The following HERPUD2 variants were observed in gnomAD, a reference collection of about 807,000 sequenced individuals.
The protein encoded by HERPUD2 is homocysteine-responsive endoplasmic reticulum-resident ubiquitin-like domain member 2 protein.
In HERPUD2, 13 loss-of-function variants were observed where a neutral mutation model predicts 49.9. The ratio of observed to expected loss-of-function variants is 0.26; its 90% CI spans 0.17 to 0.41. The LOEUF (loss-of-function observed/expected upper bound fraction) is 0.41, where lower values mean the gene tolerates loss of function less well. HERPUD2 is among the 10% of genes least tolerant of loss of function. HERPUD2 has a pLI of 1.00. For synonymous variants in HERPUD2, 172 were observed against 171.4 expected (o/e 1.00, Z -0.03); for missense variants, 449 against 492.2 (o/e 0.91, Z 0.83).
chr7:35,650,195 G>T (rs1177097357), intron 5 of HERPUD2, among the ~76,000 whole-genome samples: 1 of 152,122 alleles, frequency 6.6e-6, no homozygotes, highest in Non-Finnish European at 1.5e-5. Flanking sequence ...ATCACCTAAG[G>T]GAGAATGCTG....
chr7:35,657,566 T>C (rs1287760997), intron 5 of HERPUD2, among the ~76,000 whole-genome samples: 2 of 136,254 alleles, frequency 1.5e-5, no homozygotes, highest in Non-Finnish European at 3.0e-5. Context: ...ATCATGCTGC[T>C]GCACTCCAGC....
chr7:35,664,412 A>T (rs1785495166), intron 5 of HERPUD2, among the ~76,000 whole-genome samples: 1 of 152,012 alleles, frequency 6.6e-6, no homozygotes. Flanking sequence ...TGTTCTCTGT[A>T]TTTCCTGAAT....
Position 35,639,791 on chromosome 7 carries a change from T to C in HERPUD2, c.495-1319A>G, listed in dbSNP as rs1420245498. 2.6e-5 allele frequency among the ~76,000 whole-genome samples: 4 copies of C among 152,190 alleles called. No homozygotes were observed. The East Asian group carries it at 7.7e-4, about 29-fold the overall frequency. On this transcript the variant is annotated intron_variant, in intron 5 of 8. Coordinates refer to ENST00000311350, the MANE Select transcript of HERPUD2 (RefSeq NM_022373.5). ...GAAGAGCCTGGGGAGCTAAGCCTTATCAACAGGCTATACTTAAAGAAACGT... is the reference window on the plus strand; with the variant it reads ...GAAGAGCCTGGGGAGCTAAGCCTTACCAACAGGCTATACTTAAAGAAACGT...
chr7:35,671,108 A>G (rs999247166), intron 3 of HERPUD2, among the ~76,000 whole-genome samples: 13 of 152,048 alleles, frequency 8.5e-5, no homozygotes, highest in African/African-American at 3.1e-4. Context: ...AAAGAAAGAT[A>G]ACCAAATGGG....
At position 35,640,500 on chromosome 7, in the gene HERPUD2, T is replaced by C. The variant is rs75870331; in HGVS notation, c.495-2028A>G. On this transcript the variant is annotated intron_variant, in intron 5 of 8. Coordinates refer to ENST00000311350, the MANE Select transcript of HERPUD2 (RefSeq NM_022373.5). ...AAAACATATGGAGAATATAAGGTGATTGTTGAAAATATGTTGCCAAAATAA... is the reference window on the plus strand; with the variant it reads ...AAAACATATGGAGAATATAAGGTGACTGTTGAAAATATGTTGCCAAAATAA... Among the ~76,000 whole-genome samples, 1,564 of 152,312 alleles carry C rather than the reference T, an allele frequency of 0.01. 105 individuals are homozygous for C. The East Asian group carries it at 0.19, about 18-fold the overall frequency.
chr7:35,681,187 A>G (rs1785882728), intron 2 of HERPUD2, among the ~76,000 whole-genome samples: 1 of 152,222 alleles, frequency 6.6e-6, no homozygotes, highest in Non-Finnish European at 1.5e-5. Flanking sequence ...TTTTCTTTAA[A>G]TTAATAGTCA....
chr7:35,667,975 G>A (rs1785572080), intron 4 of HERPUD2, among the ~76,000 whole-genome samples: 1 of 152,020 alleles, frequency 6.6e-6, no homozygotes, highest in South Asian at 2.1e-4. Context: ...TCAATAAATG[G>A]TACTAATTAC....
intron 5 of HERPUD2, among the ~76,000 whole-genome samples, chr7:35,664,411 T>C (rs918294528): frequency 2.6e-5 from 4 of 152,198 alleles, no homozygotes; most frequent in Non-Finnish European, 4.4e-5. Flanking sequence ...GTGTTCTCTG[T>C]ATTTCCTGAA....
intron 5 of HERPUD2, among the ~76,000 whole-genome samples, chr7:35,644,572 A>C (rs956063058): frequency 6.6e-6 from 1 of 152,172 alleles, no homozygotes; most frequent in Non-Finnish European, 1.5e-5. Flanking sequence ...GTTGGAGACC[A>C]GCCTGGCCAA....
intron 5 of HERPUD2, among the ~76,000 whole-genome samples, chr7:35,649,238 G>A (rs1398651651): frequency 1.3e-5 from 2 of 149,356 alleles, no homozygotes; most frequent in African/African-American, 2.5e-5. Flanking sequence ...GCGACAGAGC[G>A]AGACTCCATC....
chr7:35,668,208 A>G (rs1009796542), intron 4 of HERPUD2, among the ~76,000 whole-genome samples: 3 of 152,210 alleles, frequency 2.0e-5, no homozygotes, highest in African/African-American at 7.2e-5. Flanking sequence ...AATTTTCAAG[A>G]TTCCTTTCAG....
At chr7:35,670,402 G>T in intron 3 of HERPUD2, 74 bp from the exon 4 acceptor site, 1 of 580,174 alleles carries the variant, frequency 1.7e-6, no homozygotes, top group Non-Finnish European at 2.9e-6. Flanking sequence ...TAGCTAAACT[G>T]AAATACCTAA....
rs1437080983 is a variant in HERPUD2 at position 35,692,618 on chromosome 7, G to C, written c.147+1566C>G. ...TGTGAATAAACAGGGGCTCTAACTAGTTTAAGTACTTAAATTCCTCAGGGT... is the reference window on the plus strand; with the variant it reads ...TGTGAATAAACAGGGGCTCTAACTACTTTAAGTACTTAAATTCCTCAGGGT... On this transcript the variant is annotated intron_variant, in intron 2 of 8. Coordinates refer to ENST00000311350, the MANE Select transcript of HERPUD2 (RefSeq NM_022373.5). Among the ~76,000 whole-genome samples, 5 of 152,216 alleles carry C rather than the reference G, an allele frequency of 3.3e-5. No homozygotes were observed. In the South Asian group the frequency reaches 6.2e-4, roughly 19 times the overall value.
In HERPUD2 at chr7:35,684,344, C is replaced by T. The variant is rs562839735; in HGVS notation, c.147+9840G>A. Among the ~76,000 whole-genome samples the T allele has an allele frequency of 2.2e-3, 332 of 151,718 alleles. 1 individual carries two copies. Among genetic ancestry groups the T allele is most frequent in the African/African-American group, 7.4e-3 (306 of 41,298 alleles). ...GGCGGAGCTTCCAGTGGGCCGAGATCGCACCACTGCACTCCAGCCTGGGTG... is the reference window on the plus strand; with the variant it reads ...GGCGGAGCTTCCAGTGGGCCGAGATTGCACCACTGCACTCCAGCCTGGGTG... On this transcript the variant is annotated intron_variant, in intron 2 of 8. Coordinates refer to ENST00000311350, the MANE Select transcript of HERPUD2 (RefSeq NM_022373.5).
At chr7:35,662,292 AT>A (rs1450165189) in intron 5 of HERPUD2, among the ~76,000 whole-genome samples, 1 of 151,984 alleles carries the variant, frequency 6.6e-6, no homozygotes, top group Non-Finnish European at 1.5e-5. Context: ...TTTATTGAGG[AT>A]TTTTACATCG....
intron 2 of HERPUD2, among the ~76,000 whole-genome samples, chr7:35,674,409 AGAGAGAG>A (rs1785713233): frequency 1.3e-4 from 2 of 15,348 alleles, no homozygotes; most frequent in Non-Finnish European, 2.1e-4. Flanking sequence ...ATATATAGAG[AGAGAGAG>A]AGAGAGAGAG....
chr7:35,644,002 T>C (rs1785008631), intron 5 of HERPUD2, among the ~76,000 whole-genome samples: 1 of 151,998 alleles, frequency 6.6e-6, no homozygotes, highest in Admixed American at 6.5e-5. Flanking sequence ...AAAGCGGAAA[T>C]AGTACTGCTA....
At chr7:35,688,569 C>A (rs938596562) in intron 2 of HERPUD2, among the ~76,000 whole-genome samples, 13 of 152,208 alleles carry the variant, frequency 8.5e-5, no homozygotes, top group Admixed American at 2.0e-4. Flanking sequence ...AGATATTATG[C>A]ATCTAATCTT....
At chr7:35,678,965 C>T (rs1298656190) in intron 2 of HERPUD2, among the ~76,000 whole-genome samples, 1 of 152,172 alleles carries the variant, frequency 6.6e-6, no homozygotes, top group Non-Finnish European at 1.5e-5. Context: ...ATGGAGTACA[C>T]TGGCAATCCT....
Sources: allele counts gnomAD v4.1 joint callset (sites outside exome capture counted in the v4.1 genomes callset), GRCh38; gene constraint gnomAD v4.1.1; transcripts MANE v1.5; gene names NCBI Gene and HGNC (gene_info 2026-07-23, HGNC 2026-07-21).